HIBADH: variants seen among roughly 807,000 people sequenced by gnomAD.
HIBADH encodes the protein 3-hydroxyisobutyrate dehydrogenase, mitochondrial.
Under a neutral mutation model 36.1 loss-of-function variants are expected in HIBADH, and 25 were observed. That is an observed-to-expected ratio of 0.69 (90% CI 0.50 to 0.97). HIBADH has a LOEUF of 0.97. Ranked by LOEUF, HIBADH falls within the 50% of genes least tolerant of loss-of-function variation. The pLI is 0.00. For missense variants in HIBADH, 421 were observed against 418.0 expected (o/e 1.01, Z -0.06); for synonymous variants, 160 against 149.5 (o/e 1.07, Z -0.51).
Position 27,531,395 on chromosome 7 carries a change from G to A in HIBADH, c.696-47C>T, listed in dbSNP as rs773395554. 22 of 1,532,410 alleles carry A rather than the reference G, an allele frequency of 1.4e-5. 1 individual carries two copies. The highest frequency in any genetic ancestry group is 5.6e-5 in the Admixed American group (3 of 53,578). The allele number at this position is 1,532,410 out of a possible 1,614,324, so 94.9% of individuals were successfully genotyped here. A position where few individuals can be genotyped will look rare whatever the true frequency, so the allele number is the denominator to read the frequency against. On this transcript the variant is annotated intron_variant, in intron 6 of 7. Coordinates refer to ENST00000265395, the MANE Select transcript of HIBADH (RefSeq NM_152740.4). ...AAGTGTTAAGTGTCAAAATGTACAC[G>A]TCGTGCGTGACTTATTTATGTATGG...
chr7:27,593,121 T>C (rs144498123), intron 4 of HIBADH, among the ~76,000 whole-genome samples: 1 of 152,264 alleles, frequency 6.6e-6, no homozygotes, highest in African/African-American at 2.4e-5. Context: ...GGTACAGTTT[T>C]TATGATTATA....
At chr7:27,604,711 T>C (rs1485859951) in intron 4 of HIBADH, among the ~76,000 whole-genome samples, 1 of 152,138 alleles carries the variant, frequency 6.6e-6, no homozygotes, top group African/African-American at 2.4e-5. Flanking sequence ...TGAAATTTCC[T>C]AATTTTTAAA....
chr7:27,595,480 T>C (rs1251769242), intron 4 of HIBADH, among the ~76,000 whole-genome samples: 1 of 151,960 alleles, frequency 6.6e-6, no homozygotes, highest in African/African-American at 2.4e-5. Flanking sequence ...ACCGTGGCAG[T>C]GAGCCTAGAT....
chr7:27,579,624 CTG>C (rs1784761448), intron 4 of HIBADH, among the ~76,000 whole-genome samples: 2 of 152,186 alleles, frequency 1.3e-5, no homozygotes. Context: ...CTGAGTTACT[CTG>C]TATCTCCACT....
At chr7:27,559,377 T>C (rs1784434654) in intron 4 of HIBADH, among the ~76,000 whole-genome samples, 1 of 152,078 alleles carries the variant, frequency 6.6e-6, no homozygotes, top group Non-Finnish European at 1.5e-5. Context: ...ATGTCAGCAT[T>C]TTATGAGACC....
chr7:27,649,991 T>C (rs1295499472), intron 1 of HIBADH, among the ~76,000 whole-genome samples: 2 of 152,114 alleles, frequency 1.3e-5, no homozygotes, highest in African/African-American at 2.4e-5. Flanking sequence ...CTTCTAATTA[T>C]TTAGTTTTCT....
At chr7:27,625,764 A>G (rs1274718198) in intron 4 of HIBADH, among the ~76,000 whole-genome samples, 1 of 152,126 alleles carries the variant, frequency 6.6e-6, no homozygotes, top group African/African-American at 2.4e-5. Context: ...AGAGGAAGAG[A>G]ATCATAGCCT....
chr7:27,531,092 C>G (rs981376253), intron 7 of HIBADH, 100 bp downstream of exon 7: 2 of 1,253,270 alleles, frequency 1.6e-6, no homozygotes, highest in African/African-American at 3.0e-5. Context: ...AATTTTGCCT[C>G]TTACCTGAGA....
intron 4 of HIBADH, among the ~76,000 whole-genome samples, chr7:27,593,361 G>A (rs1784976189): frequency 6.6e-6 from 1 of 152,122 alleles, no homozygotes; most frequent in Non-Finnish European, 1.5e-5. Flanking sequence ...ACCTGTATCA[G>A]TTCCCCCAGA....
intron 2 of HIBADH, among the ~76,000 whole-genome samples, chr7:27,644,636 G>C (rs1185660737): frequency 4.0e-5 from 6 of 150,642 alleles, no homozygotes; most frequent in African/African-American, 7.3e-5. Context: ...GTGGTGGCGC[G>C]TGCCTGTAGT....
chr7:27,599,257 A>T (rs1464535917), intron 4 of HIBADH, among the ~76,000 whole-genome samples: 1 of 152,202 alleles, frequency 6.6e-6, no homozygotes, highest in African/African-American at 2.4e-5. Context: ...GAACTTAAAG[A>T]AGGATTAAAA....
chr7:27,584,887 T>C (rs1784836656), intron 4 of HIBADH, among the ~76,000 whole-genome samples: 1 of 152,170 alleles, frequency 6.6e-6, no homozygotes, highest in African/African-American at 2.4e-5. Flanking sequence ...ATGAGTATTA[T>C]TACTCTATTA....
At chr7:27,628,254 C>T (rs888547448) in intron 4 of HIBADH, among the ~76,000 whole-genome samples, 4 of 151,950 alleles carry the variant, frequency 2.6e-5, no homozygotes, top group African/African-American at 9.7e-5. Context: ...TTTATTCCTC[C>T]ACCTATATTC....
chr7:27,657,409 T>C (rs1053418363), intron 1 of HIBADH, among the ~76,000 whole-genome samples: 1 of 152,150 alleles, frequency 6.6e-6, no homozygotes, highest in African/African-American at 2.4e-5. Context: ...ATGAGCATTA[T>C]GTAACAGTAT....
Position 27,662,874 on chromosome 7 carries a change from G to A in HIBADH, c.-86C>T, listed in dbSNP as rs549264245. The A allele has an allele frequency of 4.4e-6, 5 of 1,123,832 alleles. No individual in the cohort carries two copies. Among genetic ancestry groups the A allele is most frequent in the African/African-American group, 1.6e-5 (1 of 61,220 alleles). 69.6% of individuals were successfully genotyped at this position (1,123,832 alleles called of 1,614,324 possible). Reference sequence around the variant, plus strand: ...CGAGCGTGTGCAGCGGGACTGGCTGGCTCGCCCACGGAGAAGGGCGCGCGC... The same window carrying A: ...CGAGCGTGTGCAGCGGGACTGGCTGACTCGCCCACGGAGAAGGGCGCGCGC... On this transcript the variant is annotated 5_prime_UTR_variant, in exon 1 of 8. Coordinates refer to ENST00000265395, the MANE Select transcript of HIBADH (RefSeq NM_152740.4).
At chr7:27,561,116 T>C (rs1332992953) in intron 4 of HIBADH, among the ~76,000 whole-genome samples, 1 of 152,210 alleles carries the variant, frequency 6.6e-6, no homozygotes, top group Non-Finnish European at 1.5e-5. Context: ...TTTGGGGAAA[T>C]GTCTGTTCAA....
At chr7:27,620,453 T>TA (rs1422098758) in intron 4 of HIBADH, among the ~76,000 whole-genome samples, 1 of 151,728 alleles carries the variant, frequency 6.6e-6, no homozygotes, top group Non-Finnish European at 1.5e-5. Context: ...TAGGATGATA[T>TA]ATTCAAAGTG....
intron 4 of HIBADH, among the ~76,000 whole-genome samples, chr7:27,552,964 C>G (rs1784338382): frequency 6.6e-6 from 1 of 152,104 alleles, no homozygotes. Context: ...TTTAAGAAAA[C>G]AAAAGCAAGG....
intron 4 of HIBADH, among the ~76,000 whole-genome samples, chr7:27,560,321 GTTGGCCAGGC>G (rs1420745237): frequency 2.0e-5 from 3 of 152,330 alleles, no homozygotes; most frequent in Middle Eastern, 6.8e-3. Flanking sequence ...GTTTCGCCAT[GTTGGCCAGGC>G]TGGTCTTGAA....
Sources: allele counts gnomAD v4.1 joint callset (sites outside exome capture counted in the v4.1 genomes callset), GRCh38; gene constraint gnomAD v4.1.1; transcripts MANE v1.5; gene names NCBI Gene and HGNC (gene_info 2026-07-23, HGNC 2026-07-21).